Variants in UNC5CL observed in about 807,000 individuals in gnomAD.
UNC5CL encodes UNC5C-like protein.
A neutral mutation model predicts 54.1 loss-of-function variants in UNC5CL; 42 were observed. That is an observed-to-expected ratio of 0.78 (90% CI 0.61 to 1.00). The LOEUF is 1.00. UNC5CL is among the 50% of genes least tolerant of loss of function. The pLI is 0.00. For synonymous variants in UNC5CL, 285 were observed against 285.1 expected (o/e 1.00, Z 0.00); for missense variants, 619 against 675.6 (o/e 0.92, Z 0.93).
rs1030968578 is a variant in UNC5CL, at chr6:41,034,790, C to T, written c.285G>A (p.Gln95=). 1 of 1,614,234 alleles carries T rather than the reference C, an allele frequency of 6.2e-7. No homozygotes were observed. The highest frequency in any genetic ancestry group is 2.2e-5 in the East Asian group (1 of 44,888). ...AAAACACCAACAGTTTGTGCATCAACTGGCGGACCATGGTCTGGCCTTGAG... is the reference window on the plus strand; with the variant it reads ...AAAACACCAACAGTTTGTGCATCAATTGGCGGACCATGGTCTGGCCTTGAG... ...TPTQGQTMVR[Q]LMHKLLVFSA... Residue 95 remains glutamine (Q), a synonymous_variant, in exon 2 of 9, where the codon CAG becomes CAA. Coordinates refer to ENST00000244565, the MANE Select transcript of UNC5CL (RefSeq NM_173561.3).
At position 41,033,136 on chromosome 6, in the gene UNC5CL, A is replaced by T. The variant is rs1222302798; in HGVS notation, c.697T>A (p.Cys233Ser). The T allele has an allele frequency of 6.2e-7, 1 of 1,612,848 alleles. No homozygotes were observed. Among genetic ancestry groups the T allele is most frequent in the Non-Finnish European group, 8.5e-7 (1 of 1,179,592 alleles). The change falls in exon 4 of 9, where the codon TGT becomes AGT. Residue 233 changes from cysteine to serine, a missense_variant. By Grantham distance (112) the Cys-to-Ser change is moderately radical. Transcript: ENST00000244565. ...CGCCCCACAGGTGCCTCCAGCACAC[A>T]GGTGTAGAGGCTGCAGAGGGAGCCA... ...IHLSHFSLYT[C>S]VLEAPVGREA...
At chr6:41,036,683 A>G (rs1368662650) in intron 1 of UNC5CL, among the ~76,000 whole-genome samples, 1 of 152,066 alleles carries the variant, frequency 6.6e-6, no homozygotes, top group Non-Finnish European at 1.5e-5. Context: ...TCTGCCAGAA[A>G]GGCCTGAAGG....
At chr6:41,032,796 G>C in intron 4 of UNC5CL, 88 bp downstream of exon 4, 4 of 1,449,916 alleles carry the variant, frequency 2.8e-6, no homozygotes, top group Non-Finnish European at 3.6e-6. Context: ...GGGATCCCCA[G>C]ATCTCCAGAT....
chr6:41,028,281 G>GTTC lies in UNC5CL; in HGVS notation c.*91_*92insGAA. The stretch of plus-strand genomic sequence containing the variant: ...CCGAGGGTTCTGGGAAGGGTGGTGG[G>GTTC]CACAGCCAGGAACAGCTGCTGTGTT... On this transcript the variant is annotated 3_prime_UTR_variant, in exon 9 of 9. Transcript: ENST00000244565. This position sits in a 1 kb window ranked among gnomAD's most constrained non-coding sequence, Gnocchi z 4.3. 2 of 1,297,894 alleles carry GTTC rather than the reference G, an allele frequency of 1.5e-6. No homozygotes were observed. The highest frequency in any genetic ancestry group is 2.1e-6 in the Non-Finnish European group (2 of 967,226). The allele number at this position is 1,297,894 out of a possible 1,614,324, so 80.4% of individuals were successfully genotyped here. A position where few individuals can be genotyped will look rare whatever the true frequency, so the allele number is the denominator to read the frequency against.
Position 41,030,431 on chromosome 6 carries a change from G to A in UNC5CL, c.1291C>T (p.Arg431Cys), listed in dbSNP as rs202184511. 1.4e-5 allele frequency: 23 copies of A among 1,614,024 alleles called. No homozygotes were observed. The highest frequency in any genetic ancestry group is 5.0e-5 in the Admixed American group (3 of 60,000). Residue 431 changes from arginine to cysteine, a missense_variant, in exon 8 of 9, where the codon CGC becomes TGC. Coordinates refer to ENST00000244565, the MANE Select transcript of UNC5CL (RefSeq NM_173561.3). Reference sequence around the variant, plus strand: ...AGCCCCAGGTGGGAGGCCAGTCTGCGCCAGTCATTGCCGGTGATGCTGTTT... The same window carrying A: ...AGCCCCAGGTGGGAGGCCAGTCTGCACCAGTCATTGCCGGTGATGCTGTTT... ...EPNSITGNDW[R>C]RLASHLGLCG...
intron 4 of UNC5CL, 147 bp downstream of exon 4, chr6:41,032,737 G>A: frequency 7.9e-7 from 1 of 1,270,284 alleles, no homozygotes; most frequent in Non-Finnish European, 1.1e-6. Flanking sequence ...CTCCGGCCTG[G>A]GCAACAGAGC....
chr6:41,030,599 G>T, intron 7 of UNC5CL, 56 bp downstream of exon 7: 1 of 1,606,086 alleles, frequency 6.2e-7, no homozygotes, highest in East Asian at 2.2e-5. Flanking sequence ...CCCTGTGGGT[G>T]CCAGGGTAGG....
intron 3 of UNC5CL, 144 bp from the exon 4 acceptor site, chr6:41,033,290 G>T: frequency 9.9e-7 from 1 of 1,014,490 alleles, no homozygotes; most frequent in Non-Finnish European, 1.4e-6. Flanking sequence ...ACTTAGGGAG[G>T]AACTGGTAGG....
chr6:41,034,659 G>A, intron 2 of UNC5CL, 31 bp downstream of exon 2: 1 of 1,591,526 alleles, frequency 6.3e-7, no homozygotes, highest in Non-Finnish European at 8.5e-7. Flanking sequence ...CTGACCAACT[G>A]TATGCGGAGA....
At chr6:41,031,551 G>A (rs1205794179) in intron 6 of UNC5CL, 130 bp downstream of exon 6, 8 of 877,606 alleles carry the variant, frequency 9.1e-6, no homozygotes, top group Non-Finnish European at 1.3e-5. Context: ...CTGGTATGGG[G>A]GCTCTATGGA....
chr6:41,034,859 T>C lies in UNC5CL; in HGVS notation c.216A>G (p.Thr72=), dbSNP rs768761913. The change falls in exon 2 of 9, where the codon ACA becomes ACG. Residue 72 remains threonine, a synonymous_variant. Coordinates refer to ENST00000244565, the MANE Select transcript of UNC5CL (RefSeq NM_173561.3). The part of the protein sequence containing the change: ...NEVSRQHLPA[T]LPEMVAFYQE... The stretch of plus-strand genomic sequence containing the variant: ...GGTAGAAGGCAACCATCTCTGGCAG[T>C]GTGGCTGGCAGGTGCTGCCTTGAGA... 2.4e-5 allele frequency: 39 copies of C among 1,614,226 alleles called. 1 individual carries two copies. In the South Asian group the frequency reaches 4.3e-4, roughly 18 times the overall value.
At position 41,028,088 on chromosome 6, in the gene UNC5CL, C is replaced by T; in HGVS notation, c.*285G>A. The T allele has an allele frequency of 2.1e-6, 1 of 474,328 alleles. No individual in the cohort carries two copies. Among genetic ancestry groups the T allele is most frequent in the Non-Finnish European group, 3.7e-6 (1 of 266,896 alleles). 29.4% of individuals were successfully genotyped at this position (474,328 alleles called of 1,614,324 possible). A position where few individuals can be genotyped will look rare whatever the true frequency, so the allele number is the denominator to read the frequency against. ...CCGGCCCTAAAGTGCACGCGGGGACCGTGGCCGTCCCCTGGTCAGTTTGGC... is the reference window on the plus strand; with the variant it reads ...CCGGCCCTAAAGTGCACGCGGGGACTGTGGCCGTCCCCTGGTCAGTTTGGC... On this transcript the variant is annotated 3_prime_UTR_variant, in exon 9 of 9. Coordinates refer to ENST00000244565, the MANE Select transcript of UNC5CL (RefSeq NM_173561.3). This position sits in a 1 kb window ranked among gnomAD's most constrained non-coding sequence, Gnocchi z 4.3.
At position 41,030,455 on chromosome 6, in the gene UNC5CL, T is replaced by C. The variant is rs1239188142; in HGVS notation, c.1267A>G (p.Asn423Asp). Reference sequence around the variant, plus strand: ...CGCCAGTCATTGCCGGTGATGCTGTTTGGCTCCAATAACATCCGCAGCTGC... The same window carrying C: ...CGCCAGTCATTGCCGGTGATGCTGTCTGGCTCCAATAACATCCGCAGCTGC... ...FEQLRMLLEP[N>D]SITGNDWRRL... Residue 423 changes from asparagine (N) to aspartate (D), a missense_variant, in exon 8 of 9, where the codon AAC (asparagine) becomes GAC (aspartate). Transcript: ENST00000244565. 5.6e-6 allele frequency: 9 copies of C among 1,614,082 alleles called. No individual in the cohort carries two copies. The highest frequency in any genetic ancestry group is 7.6e-6 in the Non-Finnish European group (9 of 1,180,034).
intron 2 of UNC5CL, 79 bp from the exon 3 acceptor site, chr6:41,034,260 A>G (rs1437001707): frequency 7.4e-6 from 11 of 1,489,754 alleles, no homozygotes; most frequent in African/African-American, 1.4e-5. Context: ...GGCCAGAGAG[A>G]AAGGAGGTGG....
Position 41,035,031 on chromosome 6 carries a change from A to G in UNC5CL, c.44T>C (p.Leu15Pro). ...ESSFQPSQFLLLVGVPVASVL... is the reference protein window; with the variant it reads ...ESSFQPSQFLPLVGVPVASVL... ...ACTTGCCACTGGGACCCCCACCAGCAGTAGGAACTGGGAGGGTTGGAATGA... is the reference window on the plus strand; with the variant it reads ...ACTTGCCACTGGGACCCCCACCAGCGGTAGGAACTGGGAGGGTTGGAATGA... The change falls in exon 2 of 9, where the codon CTG becomes CCG. Residue 15 changes from leucine (L) to proline (P), a missense_variant. Leu to Pro is a moderately conservative substitution (Grantham distance 98). Transcript: ENST00000244565. 1 of 1,598,106 alleles carries G rather than the reference A, an allele frequency of 6.3e-7. No individual in the cohort carries two copies. Among genetic ancestry groups the G allele is most frequent in the Non-Finnish European group, 8.6e-7 (1 of 1,168,318 alleles).
Position 41,030,372 on chromosome 6 carries a change from T to C in UNC5CL, c.1334+16A>G. 1 of 1,613,210 alleles carries C rather than the reference T, an allele frequency of 6.2e-7. No individual in the cohort carries two copies. Among genetic ancestry groups the C allele is most frequent in the Middle Eastern group, 1.7e-4 (1 of 6,058 alleles). On this transcript the variant is annotated intron_variant, in intron 8 of 8. Coordinates refer to ENST00000244565, the MANE Select transcript of UNC5CL (RefSeq NM_173561.3). ...CACCCTCCTCTACCATCCACAGACC[T>C]CACCCCTCTTCCTACCGGATCTTCA...
chr6:41,036,485 C>T (rs1198923306), intron 1 of UNC5CL, among the ~76,000 whole-genome samples: 1 of 152,148 alleles, frequency 6.6e-6, no homozygotes, highest in East Asian at 1.9e-4. Context: ...AAATCCTTTT[C>T]TCTGTACTTT....
chr6:41,031,964 A>G, intron 5 of UNC5CL, 72 bp downstream of exon 5: 1 of 1,488,702 alleles, frequency 6.7e-7, no homozygotes, highest in East Asian at 2.3e-5. Context: ...CTCCAGGGTT[A>G]CTGGGAGGGA....
intron 5 of UNC5CL, 103 bp downstream of exon 5, chr6:41,031,933 G>A: frequency 7.7e-7 from 1 of 1,302,620 alleles, no homozygotes. Flanking sequence ...TGTGTGCATG[G>A]CTGCATGGGG....
Sources: allele counts gnomAD v4.1 joint callset (sites outside exome capture counted in the v4.1 genomes callset), GRCh38; gene constraint gnomAD v4.1.1; non-coding constraint Gnocchi (gnomAD v3.1); transcripts MANE v1.5; gene names NCBI Gene and HGNC (gene_info 2026-07-23, HGNC 2026-07-21).